Variants in TMEM108 observed in about 807,000 individuals in gnomAD.
The protein encoded by TMEM108 is transmembrane protein 108, also known as cancer/testis antigen 124.
A neutral mutation model predicts 35.1 loss-of-function variants in TMEM108; 12 were observed. The ratio of observed to expected loss-of-function variants is 0.34; its 90% CI spans 0.22 to 0.55. TMEM108 has a LOEUF of 0.55. TMEM108 is among the 20% of genes least tolerant of loss of function. The pLI is 0.89. For synonymous variants in TMEM108, 287 were observed against 308.6 expected (o/e 0.93, Z 0.73); for missense variants, 680 against 753.3 (o/e 0.90, Z 1.14).
intron 4 of TMEM108, chr3:133,387,979 TAC>T (rs2107856189): frequency 1.0e-6 from 1 of 985,472 alleles, no homozygotes; most frequent in African/African-American, 1.7e-5. Context: ...GACTCACAGA[TAC>T]ACTTTTCCCC....
chr3:133,306,871 C>A (rs1433816916), intron 3 of TMEM108, among the ~76,000 whole-genome samples: 3 of 152,062 alleles, frequency 2.0e-5, no homozygotes, highest in Non-Finnish European at 2.9e-5. Context: ...ATTTATAATT[C>A]TTTGGGTATA....
intron 3 of TMEM108, among the ~76,000 whole-genome samples, chr3:133,251,112 T>C (rs1946463211): frequency 6.6e-6 from 1 of 152,232 alleles, no homozygotes; most frequent in Admixed American, 6.5e-5. Flanking sequence ...TCAGTCATTC[T>C]GTAACCCAAA....
intron 3 of TMEM108, among the ~76,000 whole-genome samples, chr3:133,308,408 G>T (rs2071075369): frequency 6.6e-6 from 1 of 152,170 alleles, no homozygotes; most frequent in African/African-American, 2.4e-5. Flanking sequence ...TTGAATAGGA[G>T]TGGTGAGAGA....
chr3:133,087,731 G>A (rs1242814840), intron 2 of TMEM108, among the ~76,000 whole-genome samples: 1 of 152,158 alleles, frequency 6.6e-6, no homozygotes, highest in Admixed American at 6.5e-5. Context: ...CGGGTATCTT[G>A]AGAACAAGGA....
intron 2 of TMEM108, among the ~76,000 whole-genome samples, chr3:133,132,043 G>T (rs1366772643): frequency 6.6e-6 from 1 of 152,180 alleles, no homozygotes; most frequent in Admixed American, 6.5e-5. Flanking sequence ...TGAAGAAGCT[G>T]CAGAAGAAAA....
At chr3:133,390,680 T>G (rs532425340) in intron 5 of TMEM108, among the ~76,000 whole-genome samples, 18 of 152,170 alleles carry the variant, frequency 1.2e-4, no homozygotes, top group African/African-American at 3.9e-4. Flanking sequence ...GGGGCTCAGG[T>G]TCTGAGATGT....
Position 133,380,436 on chromosome 3 carries a change from G to A in TMEM108, c.725G>A (p.Trp242Ter). The A allele has an allele frequency of 6.2e-7, 1 of 1,613,960 alleles. No individual in the cohort carries two copies. Among genetic ancestry groups the A allele is most frequent in the Non-Finnish European group, 8.5e-7 (1 of 1,179,920 alleles). Reference sequence around the variant, plus strand: ...ACCCTCACCCCCAGGACCCCACTCTGGGGCTACTCCTCTTCACCACAGCCC... The same window carrying A: ...ACCCTCACCCCCAGGACCCCACTCTAGGGCTACTCCTCTTCACCACAGCCC... The part of the protein sequence containing the change: ...PSTLTPRTPL[W>*]GYSSSPQPQT... The change falls in exon 4 of 6, where the codon TGG becomes TAG. Residue 242 changes from tryptophan (W) to a stop codon, truncating the protein, a stop_gained. Coordinates refer to ENST00000321871, the MANE Select transcript of TMEM108 (RefSeq NM_023943.4). LOFTEE classifies it high-confidence loss of function. The surrounding 1 kb of genome is among the most constrained non-coding windows in gnomAD (Gnocchi z 5.3).
chr3:133,260,667 AT>A (rs1190298222), intron 3 of TMEM108, among the ~76,000 whole-genome samples: 4 of 152,156 alleles, frequency 2.6e-5, no homozygotes, highest in Middle Eastern at 3.2e-3. Flanking sequence ...CCATTGGAAA[AT>A]TCTAAACAGA....
chr3:133,066,102 C>G (rs895238209), intron 2 of TMEM108, among the ~76,000 whole-genome samples: 3 of 152,066 alleles, frequency 2.0e-5, no homozygotes, highest in Non-Finnish European at 4.4e-5. Context: ...ACGTGACATT[C>G]CTTATTAGAT....
chr3:133,078,468 A>C (rs887313249), intron 2 of TMEM108, among the ~76,000 whole-genome samples: 2 of 152,084 alleles, frequency 1.3e-5, no homozygotes, highest in Non-Finnish European at 1.5e-5. Context: ...GTCTTTGTAG[A>C]GATGAGCTGA....
chr3:133,166,470 T>A (rs971124636), intron 2 of TMEM108, among the ~76,000 whole-genome samples: 1 of 152,252 alleles, frequency 6.6e-6, no homozygotes, highest in Admixed American at 6.5e-5. Context: ...GCGTTACAGT[T>A]CTTAAAGATG....
chr3:133,180,900 A>C (rs1203767404), intron 2 of TMEM108, among the ~76,000 whole-genome samples: 1 of 151,548 alleles, frequency 6.6e-6, no homozygotes, highest in Non-Finnish European at 1.5e-5. Context: ...AATTTCAAAC[A>C]ACTTTTAACA....
In TMEM108 at chr3:133,374,966, CA is replaced by C. The variant is rs1311447239; in HGVS notation, c.41-4783del. On this transcript the variant is annotated intron_variant, in intron 3 of 5. Transcript: ENST00000321871. ...ACTCTGCAGCCAAGCTGCCTAGGAA[CA>C]AATTGCAGCTTGCCATTCCCCAGCT... is the stretch of plus-strand genomic sequence containing the variant. 2.0e-5 allele frequency among the ~76,000 whole-genome samples: 3 copies of C among 152,322 alleles called. No homozygotes were observed. In the East Asian group the frequency reaches 5.8e-4, roughly 29 times the overall value.
At chr3:133,315,829 A>G (rs1181041209) in intron 3 of TMEM108, among the ~76,000 whole-genome samples, 1 of 152,262 alleles carries the variant, frequency 6.6e-6, no homozygotes, top group Non-Finnish European at 1.5e-5. Flanking sequence ...AAATCACTTT[A>G]TTTTATATTA....
chr3:133,360,677 CT>C, intron 3 of TMEM108, among the ~76,000 whole-genome samples: 1 of 152,344 alleles, frequency 6.6e-6, no homozygotes, highest in Non-Finnish European at 1.5e-5. Flanking sequence ...TTTTTGTGCG[CT>C]GTCTCTGATG....
chr3:133,060,804 G>A (rs1943526081), intron 2 of TMEM108, among the ~76,000 whole-genome samples: 2 of 152,068 alleles, frequency 1.3e-5, no homozygotes, highest in Non-Finnish European at 2.9e-5. Flanking sequence ...GCCATGAAAC[G>A]ATACATGCAC....
At chr3:133,192,488 G>C (rs1015529811) in intron 2 of TMEM108, among the ~76,000 whole-genome samples, 2 of 151,894 alleles carry the variant, frequency 1.3e-5, no homozygotes, top group African/African-American at 2.4e-5. Context: ...AGGATAGGCA[G>C]GAATGTCCAT....
intron 2 of TMEM108, among the ~76,000 whole-genome samples, chr3:133,190,698 A>G (rs1186740511): frequency 6.6e-6 from 1 of 152,220 alleles, no homozygotes; most frequent in Non-Finnish European, 1.5e-5. Flanking sequence ...CTAATCAGCC[A>G]TATCTCTTCA....
chr3:133,297,551 C>T (rs1205889442), intron 3 of TMEM108, among the ~76,000 whole-genome samples: 1 of 152,070 alleles, frequency 6.6e-6, no homozygotes, highest in East Asian at 1.9e-4. Flanking sequence ...TGGGGGGAGA[C>T]TAAAAATGCA....
Sources: allele counts gnomAD v4.1 joint callset (sites outside exome capture counted in the v4.1 genomes callset), GRCh38; gene constraint gnomAD v4.1.1; non-coding constraint Gnocchi (gnomAD v3.1); transcripts MANE v1.5; gene names NCBI Gene and HGNC (gene_info 2026-07-23, HGNC 2026-07-21).